LYRM4: variants seen among roughly 807,000 people sequenced by gnomAD.
LYRM4 encodes the protein LYR motif containing 4.
Under a neutral mutation model 11.7 loss-of-function variants are expected in LYRM4, and 9 were observed. That is an observed-to-expected ratio of 0.77 (90% confidence interval 0.46 to 1.34). The LOEUF is 1.34. Ranked by LOEUF, LYRM4 falls within the 40% of genes most tolerant of loss-of-function variation. LYRM4 has a pLI of 0.00. For missense variants in LYRM4, 133 were observed against 112.5 expected, an observed-to-expected ratio of 1.18 and a Z score of -0.82; for synonymous variants, 42 against 40.4, an observed-to-expected ratio of 1.04 and a Z score of -0.15.
chr6:5,246,573 A>ATCCT (rs1437498980), intron 1 of LYRM4, among the ~76,000 whole-genome samples: 2 of 152,072 alleles, frequency 1.3e-5, no homozygotes, highest in East Asian at 3.9e-4. Flanking sequence ...TGCAGGGGGG[A>ATCCT]CTGAGAGTGG....
intron 2 of LYRM4, among the ~76,000 whole-genome samples, chr6:5,175,994 T>C (rs1306761336): frequency 6.6e-6 from 1 of 152,122 alleles, no homozygotes; most frequent in Non-Finnish European, 1.5e-5. Flanking sequence ...GCTGATAGCA[T>C]GTGCACTATC....
the LYRM4 span, among the ~76,000 whole-genome samples, chr6:5,082,657 C>G: frequency 3.9e-5 from 6 of 152,228 alleles, no homozygotes; most frequent in African/African-American, 7.2e-5. Flanking sequence ...TTGTTTCTGT[C>G]CCCAGTAATT....
At chr6:5,216,568 C>T (rs201984697) in intron 2 of LYRM4, 50 bp downstream of exon 2, 62 of 1,609,156 alleles carry the variant, frequency 3.9e-5, no homozygotes, top group Non-Finnish European at 4.8e-5. Context: ...GGGAATATGT[C>T]GAAGTTTAAA....
Position 5,200,131 on chromosome 6 carries a change from G to T in LYRM4, c.207+16487C>A, listed in dbSNP as rs147401954. ...TGGAATCCTGCTTGGGAAAATGCCT[G>T]CTATAAATATATAGGACACTGTGGA... On this transcript the variant is annotated intron_variant, in intron 2 of 2. Coordinates refer to ENST00000330636, the MANE Select transcript of LYRM4 (RefSeq NM_020408.6). Among the ~76,000 whole-genome samples, 18 of 152,304 alleles carry T rather than the reference G, an allele frequency of 1.2e-4. No homozygotes were observed. In the East Asian group the frequency reaches 3.3e-3, roughly 28 times the overall value.
At chr6:5,217,713 C>T (rs1430738265) in intron 1 of LYRM4, among the ~76,000 whole-genome samples, 1 of 152,242 alleles carries the variant, frequency 6.6e-6, no homozygotes, top group Non-Finnish European at 1.5e-5. Context: ...TGCATCCTTA[C>T]AGTCACACCA....
intron 1 of LYRM4, among the ~76,000 whole-genome samples, chr6:5,229,003 CAAAAAAAAAAA>C (rs70974180): frequency 2.6e-5 from 1 of 38,000 alleles, no homozygotes; most frequent in African/African-American, 1.1e-4. Context: ...GGCTCAGTCT[CAAAAAAAAAAA>C]AAAAAAAAAA....
chr6:5,083,649 A>G, the LYRM4 span, among the ~76,000 whole-genome samples: 3 of 152,152 alleles, frequency 2.0e-5, no homozygotes, highest in East Asian at 3.8e-4. Flanking sequence ...TGTGATTCCT[A>G]TTTCATGGAC....
the LYRM4 span, chr6:5,043,594 A>T: frequency 0.18 from 26,968 of 152,150 alleles, 3,735 homozygotes; most frequent in African/African-American, 0.39. Context: ...TCTGTCCTAC[A>T]TGCATACACC....
the LYRM4 span, chr6:5,066,274 A>G: frequency 2.8e-6 from 2 of 717,838 alleles, no homozygotes; most frequent in South Asian, 2.8e-5. Context: ...ATCTGCCGTT[A>G]GTTTCTGGAA....
the LYRM4 span, among the ~76,000 whole-genome samples, chr6:5,048,101 A>G: frequency 7.2e-5 from 11 of 152,248 alleles, no homozygotes; most frequent in Admixed American, 6.5e-5. Context: ...AACATAGTTC[A>G]TATTCTGTTA....
the LYRM4 span, chr6:5,089,157 ATACT>A: frequency 1.3e-5 from 2 of 152,250 alleles, no homozygotes; most frequent in Non-Finnish European, 2.9e-5. Flanking sequence ...GAACTAATGA[ATACT>A]TAATTCATAT....
chr6:5,250,149 C>T (rs1363043280), intron 1 of LYRM4, among the ~76,000 whole-genome samples: 1 of 152,040 alleles, frequency 6.6e-6, no homozygotes, highest in Non-Finnish European at 1.5e-5. Context: ...TTTATTTTCT[C>T]ATTGCTTTGA....
intron 2 of LYRM4, among the ~76,000 whole-genome samples, chr6:5,114,277 A>G (rs1270220229): frequency 6.6e-6 from 1 of 152,226 alleles, no homozygotes; most frequent in Non-Finnish European, 1.5e-5. Context: ...GTGGAGACTG[A>G]GTGCTTGATG....
intron 2 of LYRM4, among the ~76,000 whole-genome samples, chr6:5,170,397 G>A (rs984153774): frequency 1.3e-5 from 2 of 152,096 alleles, no homozygotes; most frequent in African/African-American, 4.8e-5. Context: ...TTTTCAAGGG[G>A]AGTATCCAAA....
At chr6:5,208,548 CTG>C (rs948086831) in intron 2 of LYRM4, among the ~76,000 whole-genome samples, 2 of 152,182 alleles carry the variant, frequency 1.3e-5, no homozygotes, top group Non-Finnish European at 2.9e-5. Flanking sequence ...TAAAGGAAAA[CTG>C]TTGTATATGA....
chr6:5,046,898 C>G, the LYRM4 span, among the ~76,000 whole-genome samples: 1 of 152,000 alleles, frequency 6.6e-6, no homozygotes, highest in Non-Finnish European at 1.5e-5. Flanking sequence ...GAGACCAGCC[C>G]GGGCAACATG....
chr6:5,163,705 C>T (rs1758904916), intron 2 of LYRM4, among the ~76,000 whole-genome samples: 1 of 150,916 alleles, frequency 6.6e-6, no homozygotes, highest in East Asian at 1.9e-4. Context: ...CTTCTGCCTC[C>T]TGGGTTCAAG....
At chr6:5,203,449 A>AT (rs1035191537) in intron 2 of LYRM4, among the ~76,000 whole-genome samples, 1 of 152,006 alleles carries the variant, frequency 6.6e-6, no homozygotes, top group African/African-American at 2.4e-5. Flanking sequence ...AGGGACTCCC[A>AT]TTTTTTACTT....
At chr6:5,199,551 CAT>C (rs1415270486) in intron 2 of LYRM4, among the ~76,000 whole-genome samples, 3 of 152,140 alleles carry the variant, frequency 2.0e-5, no homozygotes, top group Non-Finnish European at 4.4e-5. Context: ...AGCTGTTACA[CAT>C]GCTTTTGTGA....
Sources: gnomAD v4.1 joint callset for allele counts (sites outside exome capture counted in the v4.1 genomes callset) on GRCh38, gnomAD v4.1.1 for gene constraint, MANE v1.5 for transcripts, NCBI Gene and HGNC (gene_info 2026-07-23, HGNC 2026-07-21) for gene names.